Variants in NDUFAF6 observed in about 807,000 individuals in gnomAD.
NDUFAF6 encodes NADH dehydrogenase (ubiquinone) complex I, assembly factor 6.
NDUFAF6 carries 45 observed loss-of-function variants against 40.8 expected under a neutral mutation model. The observed-to-expected ratio is 1.10, with a 90% CI of 0.87 to 1.42. The LOEUF (loss-of-function observed/expected upper bound fraction) is 1.42. Among genes scored for constraint, NDUFAF6 ranks in the 40% most tolerant of loss-of-function variants. The probability of loss-of-function intolerance (pLI) is 0.00; values close to 1 mark genes in which losing one functional copy is unlikely to be tolerated. For missense variants in NDUFAF6, 435 were observed against 418.5 expected, an observed-to-expected ratio of 1.04 and a Z score of -0.34; for synonymous variants, 185 against 155.9, an observed-to-expected ratio of 1.19 and a Z score of -1.39.
intron 4 of NDUFAF6, among the ~76,000 whole-genome samples, chr8:95,042,494 A>G (rs1343351778): frequency 2.0e-5 from 3 of 152,252 alleles, no homozygotes; most frequent in Non-Finnish European, 1.5e-5. Flanking sequence ...CAGAGATACC[A>G]TTTTAGTTTA....
intron 1 of NDUFAF6, chr8:94,930,238 A>T (rs895198326): frequency 5.8e-6 from 3 of 521,532 alleles, no homozygotes; most frequent in African/African-American, 5.7e-5. Context: ...CTGTAATTAT[A>T]TTGATATGTT....
chr8:94,964,196 G>A (rs745999082), intron 1 of NDUFAF6, among the ~76,000 whole-genome samples: 2 of 152,158 alleles, frequency 1.3e-5, no homozygotes, highest in Non-Finnish European at 2.9e-5. Flanking sequence ...GGGAGGCTGA[G>A]GTGGGAGGAC....
At chr8:95,059,640 C>T (rs1247785013), downstream of NDUFAF6, among the ~76,000 whole-genome samples, 1 of 151,886 alleles carries the variant, frequency 6.6e-6, no homozygotes, top group African/African-American at 2.4e-5. Context: ...CCTGAGGTCA[C>T]GAGTTCAAGA....
chr8:94,997,776 G>A (rs1338710104), intron 2 of NDUFAF6, among the ~76,000 whole-genome samples: 1 of 152,198 alleles, frequency 6.6e-6, no homozygotes, highest in Non-Finnish European at 1.5e-5. Flanking sequence ...ATATTTTAAT[G>A]AGGTGAAGAA....
At chr8:95,066,862 T>C (rs532048841) in intron 9 of NDUFAF6, 15 of 152,324 alleles carry the variant, frequency 9.8e-5, no homozygotes, top group Admixed American at 3.9e-4. Context: ...AGGTCCAAAC[T>C]AAAACATTTT....
intron 2 of NDUFAF6, among the ~76,000 whole-genome samples, chr8:95,081,427 C>T (rs1396847579): frequency 1.3e-5 from 2 of 152,020 alleles, no homozygotes; most frequent in Non-Finnish European, 2.9e-5. Flanking sequence ...ACCTCTGCCT[C>T]CCGAAGTACT....
At chr8:94,970,253 CAAA>C (rs891358442) in intron 1 of NDUFAF6, among the ~76,000 whole-genome samples, 5 of 62,938 alleles carry the variant, frequency 7.9e-5, no homozygotes, top group Non-Finnish European at 9.0e-5. Context: ...GACTCCGTCT[CAAA>C]AAAAAAAAAA....
At chr8:94,958,815 A>G (rs1823309857) in intron 1 of NDUFAF6, among the ~76,000 whole-genome samples, 1 of 152,126 alleles carries the variant, frequency 6.6e-6, no homozygotes, top group Non-Finnish European at 1.5e-5. Context: ...CCAGTCATGT[A>G]TAGTCACATT....
At position 95,047,099 on chromosome 8, in the gene NDUFAF6, T is replaced by C; in HGVS notation, c.686T>C (p.Val229Ala). 5.6e-6 allele frequency: 9 copies of C among 1,614,160 alleles called. No individual in the cohort carries two copies. The African/African-American group carries it at 6.7e-5, about 12-fold the overall frequency. ...ATPYHGSRRK[V>A]FLPMDICMLH... ...CCATATCATGGGAGCAGAAGAAAGG[T>C]GTTCCTTCCCATGGATATTTGTATG... is the stretch of plus-strand genomic sequence containing the variant. The change falls in exon 6 of 9, where the codon GTG becomes GCG. Residue 229 changes from valine to alanine, a missense_variant. Coordinates refer to ENST00000396124, the MANE Select transcript of NDUFAF6 (RefSeq NM_152416.4).
At chr8:94,898,466 G>C (rs977461477) in intron 1 of NDUFAF6, among the ~76,000 whole-genome samples, 1 of 152,118 alleles carries the variant, frequency 6.6e-6, no homozygotes, top group Non-Finnish European at 1.5e-5. Context: ...GAGTTGACTG[G>C]GGTTATGGGT....
At chr8:95,116,535 G>C (rs1464952023), downstream of NDUFAF6, 1 of 151,964 alleles carries the variant, frequency 6.6e-6, no homozygotes, top group African/African-American at 2.4e-5. Flanking sequence ...CTTTTTTTTA[G>C]AGACGGGGTC....
chr8:94,897,706 C>CTT (rs11432186), intron 1 of NDUFAF6, among the ~76,000 whole-genome samples: 29,350 of 131,860 alleles, frequency 0.22, 4,337 homozygotes, highest in East Asian at 0.63. Context: ...TATTCTGTGC[C>CTT]TTTTTTTTTT....
chr8:95,054,241 C>G (rs1831818686), intron 8 of NDUFAF6, among the ~76,000 whole-genome samples: 1 of 151,876 alleles, frequency 6.6e-6, no homozygotes, highest in African/African-American at 2.4e-5. Context: ...AACACCGTGC[C>G]CAGCCCCCTT....
intron 1 of NDUFAF6, among the ~76,000 whole-genome samples, chr8:94,944,478 T>C (rs1209806260): frequency 6.6e-6 from 1 of 152,226 alleles, no homozygotes; most frequent in African/African-American, 2.4e-5. Context: ...AAGGCTTCTC[T>C]GGAGGAGCTT....
chr8:94,957,017 C>T (rs535717577), upstream of NDUFAF6, among the ~76,000 whole-genome samples: 2 of 152,014 alleles, frequency 1.3e-5, no homozygotes, highest in Non-Finnish European at 2.9e-5. Context: ...CTAAAAAATA[C>T]AAAAATTACC....
chr8:94,946,715 A>AAAAAAAAAAAAAAAAAAAC (rs1482522605), intron 2 of NDUFAF6, among the ~76,000 whole-genome samples: 1 of 149,172 alleles, frequency 6.7e-6, no homozygotes, highest in South Asian at 2.2e-4. Flanking sequence ...AAAAAAAAAA[A>AAAAAAAAAAAAAAAAAAAC]AAAAAGACAG....
intron 2 of NDUFAF6, among the ~76,000 whole-genome samples, chr8:95,102,548 T>G (rs1430398173): frequency 6.6e-6 from 1 of 152,218 alleles, no homozygotes; most frequent in African/African-American, 2.4e-5. Flanking sequence ...GTTGCTGTTA[T>G]GCAGTGTCAG....
At chr8:94,981,022 T>C (rs1427504972) in intron 2 of NDUFAF6, 1 of 455,768 alleles carries the variant, frequency 2.2e-6, no homozygotes, top group Non-Finnish European at 4.4e-6. Flanking sequence ...ACAAAGAGGC[T>C]CTTTCCCCCA....
intron 1 of NDUFAF6, among the ~76,000 whole-genome samples, chr8:94,976,502 A>C (rs1253111552): frequency 6.0e-5 from 1 of 16,562 alleles, no homozygotes; most frequent in Non-Finnish European, 1.8e-4. Flanking sequence ...ACTCCATCTC[A>C]AAAAAAAAAA....
Sources: allele counts gnomAD v4.1 joint callset (sites outside exome capture counted in the v4.1 genomes callset), GRCh38; gene constraint gnomAD v4.1.1; transcripts MANE v1.5; gene names NCBI Gene and HGNC (gene_info 2026-07-23, HGNC 2026-07-21).